The following AKAP19 variants were observed in gnomAD, a reference collection of about 807,000 sequenced individuals.
The protein encoded by AKAP19 is A-kinase anchoring protein 19, also known as small A-kinase anchoring protein.
At chr2:190,165,138 A>G in the AKAP19 span, among the ~76,000 whole-genome samples, 1 of 152,174 alleles carries the variant, frequency 6.6e-6, no homozygotes, top group Admixed American at 6.5e-5. Flanking sequence ...AAATTTAAAA[A>G]TTTTAAACCA....
the AKAP19 span, among the ~76,000 whole-genome samples, chr2:190,124,938 C>T: frequency 6.6e-6 from 1 of 151,860 alleles, no homozygotes; most frequent in Non-Finnish European, 1.5e-5. Flanking sequence ...TTAGCCTAGG[C>T]CTACACAGGG....
At chr2:190,058,718 G>A in the AKAP19 span, among the ~76,000 whole-genome samples, 1,495 of 152,070 alleles carry the variant, frequency 9.8e-3, 19 homozygotes, top group African/African-American at 0.034. Flanking sequence ...ATTAGATGGA[G>A]CTGGAGGCCA....
At chr2:190,134,593 GA>G in the AKAP19 span, among the ~76,000 whole-genome samples, 23 of 151,602 alleles carry the variant, frequency 1.5e-4, no homozygotes, top group Non-Finnish European at 7.4e-5. Context: ...AATATTTTTA[GA>G]AAATTCTTAA....
At chr2:190,133,235 C>CA in the AKAP19 span, among the ~76,000 whole-genome samples, 310 of 58,100 alleles carry the variant, frequency 5.3e-3, 36 homozygotes, top group African/African-American at 0.017. Flanking sequence ...GAGACTCTGC[C>CA]AAAAAAAAAA....
the AKAP19 span, among the ~76,000 whole-genome samples, chr2:190,006,155 G>C: frequency 6.6e-6 from 1 of 152,160 alleles, no homozygotes; most frequent in East Asian, 1.9e-4. Context: ...ATGAGTAATT[G>C]ATCTGTGAAA....
chr2:190,105,319 C>T, the AKAP19 span, among the ~76,000 whole-genome samples: 1 of 152,096 alleles, frequency 6.6e-6, no homozygotes, highest in Non-Finnish European at 1.5e-5. Flanking sequence ...CTTTTTCACT[C>T]AATTTGAGTA....
At chr2:190,053,995 G>T in the AKAP19 span, among the ~76,000 whole-genome samples, 1 of 151,996 alleles carries the variant, frequency 6.6e-6, no homozygotes, top group South Asian at 2.1e-4. Flanking sequence ...TGCACTTAAG[G>T]ATTTCTAGGT....
chr2:190,139,703 A>G, the AKAP19 span, among the ~76,000 whole-genome samples: 6 of 152,292 alleles, frequency 3.9e-5, no homozygotes, highest in Non-Finnish European at 7.4e-5. Flanking sequence ...CCATGATTCA[A>G]TTACCTCCCA....
the AKAP19 span, among the ~76,000 whole-genome samples, chr2:190,060,776 A>T: frequency 1.3e-5 from 2 of 151,996 alleles, no homozygotes; most frequent in Non-Finnish European, 2.9e-5. Flanking sequence ...CTGTGGAGGA[A>T]CAACCACTTA....
the AKAP19 span, among the ~76,000 whole-genome samples, chr2:190,009,818 T>TA: frequency 1.3e-5 from 2 of 150,766 alleles, no homozygotes; most frequent in Non-Finnish European, 3.0e-5. Context: ...ACACCAACAT[T>TA]AAGAGGATGG....
the AKAP19 span, among the ~76,000 whole-genome samples, chr2:189,891,704 T>C: frequency 6.6e-6 from 1 of 152,142 alleles, no homozygotes; most frequent in Non-Finnish European, 1.5e-5. Flanking sequence ...CTAATGATTA[T>C]GTGTCTTGGG....
At chr2:190,050,253 ACTGGCTGAAGCTCAGCTG>A in the AKAP19 span, among the ~76,000 whole-genome samples, 1 of 152,156 alleles carries the variant, frequency 6.6e-6, no homozygotes, top group East Asian at 1.9e-4. Context: ...CCTGCCTGAG[ACTGGCTGAAGCTCAGCTG>A]CTGTGATTGG....
chr2:190,111,613 C>T, the AKAP19 span, among the ~76,000 whole-genome samples: 1 of 152,030 alleles, frequency 6.6e-6, no homozygotes, highest in African/African-American at 2.4e-5. Flanking sequence ...ATTTAAGGCA[C>T]TTATGCAGGC....
At chr2:190,106,367 T>C in the AKAP19 span, among the ~76,000 whole-genome samples, 2 of 152,228 alleles carry the variant, frequency 1.3e-5, no homozygotes, top group African/African-American at 4.8e-5. Flanking sequence ...TGAGTTGCTC[T>C]GCTTTCTACC....
At chr2:190,045,319 T>A in the AKAP19 span, among the ~76,000 whole-genome samples, 21 of 152,232 alleles carry the variant, frequency 1.4e-4, 1 homozygote, top group South Asian at 4.1e-3. Context: ...AAAGGCTGGA[T>A]CAGCTAAGTC....
the AKAP19 span, among the ~76,000 whole-genome samples, chr2:190,166,537 T>G: frequency 6.6e-6 from 1 of 151,984 alleles, no homozygotes; most frequent in Non-Finnish European, 1.5e-5. Context: ...AAAATACATG[T>G]GCAAACCAAA....
the AKAP19 span, among the ~76,000 whole-genome samples, chr2:190,081,018 G>T: frequency 6.6e-6 from 1 of 152,024 alleles, no homozygotes; most frequent in South Asian, 2.1e-4. Flanking sequence ...CAGATGTAAA[G>T]GAAACTAAAA....
the AKAP19 span, among the ~76,000 whole-genome samples, chr2:189,971,253 G>T: frequency 2.0e-5 from 3 of 152,058 alleles, no homozygotes; most frequent in African/African-American, 4.8e-5. Flanking sequence ...TTGTCCTTGC[G>T]ATAGTTTGCT....
At chr2:190,192,425 T>A in the AKAP19 span, among the ~76,000 whole-genome samples, 1 of 151,130 alleles carries the variant, frequency 6.6e-6, no homozygotes, top group Non-Finnish European at 1.5e-5. Context: ...GCCATTCTAG[T>A]TTGTGTTTCC....
Sources: allele counts gnomAD v4.1 joint callset (sites outside exome capture counted in the v4.1 genomes callset), GRCh38; gene constraint gnomAD v4.1.1; transcripts MANE v1.5; gene names NCBI Gene and HGNC (gene_info 2026-07-23, HGNC 2026-07-21).